GRM1: variants seen among roughly 807,000 people sequenced by gnomAD.
GRM1 encodes metabotropic glutamate receptor 1.
GRM1 carries 33 observed loss-of-function variants against 90.9 expected under a neutral mutation model. That is an observed-to-expected ratio of 0.36 (90% CI 0.28 to 0.49). The LOEUF is 0.49. GRM1 is among the 20% of genes least tolerant of loss of function. The pLI is 0.99. For missense variants in GRM1, 1,190 were observed against 1,534.3 expected, an observed-to-expected ratio of 0.78 and a Z score of 3.75; for synonymous variants, 700 against 613.2, an observed-to-expected ratio of 1.14 and a Z score of -2.09.
intron 1 of GRM1, among the ~76,000 whole-genome samples, chr6:146,149,627 C>A (rs1004113287): frequency 6.6e-6 from 1 of 152,148 alleles, no homozygotes; most frequent in Non-Finnish European, 1.5e-5. Flanking sequence ...ACTGAGGATG[C>A]AGGATTCAAA....
chr6:146,256,400 A>G (rs1340331404), intron 2 of GRM1, among the ~76,000 whole-genome samples: 2 of 152,094 alleles, frequency 1.3e-5, no homozygotes, highest in African/African-American at 4.8e-5. Context: ...ATACCACCCT[A>G]GGCCTCTATC....
chr6:146,362,150 G>C (rs1775503417), intron 5 of GRM1, among the ~76,000 whole-genome samples: 1 of 152,064 alleles, frequency 6.6e-6, no homozygotes, highest in Admixed American at 6.5e-5. Flanking sequence ...CGTTGGTTTT[G>C]GGTTGGGAGG....
intron 4 of GRM1, 49 bp downstream of exon 4, chr6:146,352,545 C>G: frequency 6.3e-7 from 1 of 1,590,474 alleles, no homozygotes; most frequent in East Asian, 2.2e-5. Context: ...CCTTCCTGTG[C>G]CAGACAGATG....
At chr6:146,415,567 C>A (rs1175189942) in intron 7 of GRM1, among the ~76,000 whole-genome samples, 1 of 152,148 alleles carries the variant, frequency 6.6e-6, no homozygotes, top group Non-Finnish European at 1.5e-5. Flanking sequence ...TCCATGTATT[C>A]ATCTATCTTT....
chr6:146,176,535 C>G (rs1778344416), intron 2 of GRM1, among the ~76,000 whole-genome samples: 1 of 152,060 alleles, frequency 6.6e-6, no homozygotes, highest in South Asian at 2.1e-4. Flanking sequence ...TTGACTTGTT[C>G]AAGAGTTCAC....
intron 3 of GRM1, among the ~76,000 whole-genome samples, chr6:146,317,897 T>C (rs776498515): frequency 1.9e-4 from 29 of 152,196 alleles, no homozygotes; most frequent in Non-Finnish European, 2.8e-4. Context: ...GTATCTAATA[T>C]ATGGGAACAA....
intron 2 of GRM1, among the ~76,000 whole-genome samples, chr6:146,302,564 T>A (rs1783428782): frequency 6.6e-6 from 1 of 151,600 alleles, no homozygotes; most frequent in Non-Finnish European, 1.5e-5. Context: ...TATTTATTTA[T>A]TTATTTTGTA....
chr6:146,433,525 AGTGTGTGTGTGTGT>A (rs72224796), intron 7 of GRM1, among the ~76,000 whole-genome samples: 3 of 148,088 alleles, frequency 2.0e-5, no homozygotes, highest in African/African-American at 7.5e-5. Context: ...GTTTTTCAAA[AGTGTGTGTGTGTGT>A]GTGTGTGTGT....
At chr6:146,115,247 C>T (rs200881820) in intron 1 of GRM1, among the ~76,000 whole-genome samples, 28 of 133,032 alleles carry the variant, frequency 2.1e-4, no homozygotes, top group Admixed American at 1.0e-3. Flanking sequence ...CACACACACA[C>T]ATATATATAC....
At chr6:146,264,333 G>T (rs1038318658) in intron 2 of GRM1, among the ~76,000 whole-genome samples, 8 of 151,930 alleles carry the variant, frequency 5.3e-5, no homozygotes, top group African/African-American at 1.9e-4. Context: ...TCACATGATA[G>T]AACTTTAACA....
chr6:146,071,692 A>T (rs1776022092), intron 1 of GRM1, among the ~76,000 whole-genome samples: 1 of 152,146 alleles, frequency 6.6e-6, no homozygotes, highest in Non-Finnish European at 1.5e-5. Flanking sequence ...AGGGATGGGA[A>T]GGAAGGGAGA....
At chr6:146,276,199 C>A (rs1346660511) in intron 2 of GRM1, among the ~76,000 whole-genome samples, 1 of 152,036 alleles carries the variant, frequency 6.6e-6, no homozygotes, top group African/African-American at 2.4e-5. Flanking sequence ...TTACCGGGTA[C>A]CACCAGTACA....
chr6:146,227,961 AT>A (rs1238812951), intron 2 of GRM1, among the ~76,000 whole-genome samples: 3 of 151,994 alleles, frequency 2.0e-5, no homozygotes, highest in Admixed American at 1.3e-4. Flanking sequence ...CTTCTTAGAG[AT>A]TTTTTTCTTT....
rs1480017711 is a variant in GRM1 at position 146,251,754 on chromosome 6, T to TTA, written c.951-52856_951-52855insAT. The stretch of plus-strand genomic sequence containing the variant: ...TATTTACTTCTGTCCCTTCAATGGC[T>TTA]TCCTATCTCATTCAAAGCTCATGCC... On this transcript the variant is annotated intron_variant, in intron 2 of 7. Transcript: ENST00000282753. 2.0e-5 allele frequency among the ~76,000 whole-genome samples: 3 copies of TTA among 152,348 alleles called. No homozygotes were observed. The East Asian group carries it at 5.8e-4, about 29-fold the overall frequency.
chr6:146,048,119 G>A lies in GRM1; in HGVS notation c.700+17902G>A, dbSNP rs780034504. Among the ~76,000 whole-genome samples, 9 of 152,118 alleles carry A rather than the reference G, an allele frequency of 5.9e-5. 1 individual carries two copies. The highest frequency in any genetic ancestry group is 3.3e-4 in the Admixed American group (5 of 15,258). Reference sequence around the variant, plus strand: ...AAGCAGGTAAAGCACTCCATACAGCGTGTACCATATTTTAGATTTCCTCCA... The same window carrying A: ...AAGCAGGTAAAGCACTCCATACAGCATGTACCATATTTTAGATTTCCTCCA... On this transcript the variant is annotated intron_variant, in intron 1 of 7. Coordinates refer to ENST00000282753, the MANE Select transcript of GRM1 (RefSeq NM_001278064.2).
chr6:146,395,544 A>G (rs1038606942), intron 6 of GRM1, among the ~76,000 whole-genome samples: 3 of 152,120 alleles, frequency 2.0e-5, no homozygotes, highest in Admixed American at 1.3e-4. Context: ...ATTTTTCTCC[A>G]TCAAAGGCTA....
chr6:146,193,733 T>G (rs186939836), intron 2 of GRM1, among the ~76,000 whole-genome samples: 49 of 152,346 alleles, frequency 3.2e-4, no homozygotes, highest in Non-Finnish European at 5.9e-4. Flanking sequence ...TTCTAGGTCA[T>G]ACGTCTAGGT....
At chr6:146,032,462 A>T (rs895721702) in intron 1 of GRM1, among the ~76,000 whole-genome samples, 9 of 152,120 alleles carry the variant, frequency 5.9e-5, no homozygotes, top group African/African-American at 9.7e-5. Flanking sequence ...CCCACTGAAG[A>T]TTCATTTTTC....
At chr6:146,167,567 T>C (rs182017217) in intron 2 of GRM1, among the ~76,000 whole-genome samples, 1 of 152,318 alleles carries the variant, frequency 6.6e-6, no homozygotes, top group East Asian at 1.9e-4. Context: ...GTCAGTCTTT[T>C]GACTTTTAGC....
Sources: allele counts gnomAD v4.1 joint callset (sites outside exome capture counted in the v4.1 genomes callset), GRCh38; gene constraint gnomAD v4.1.1; transcripts MANE v1.5; gene names NCBI Gene and HGNC (gene_info 2026-07-23, HGNC 2026-07-21).